HNRNPF: variants seen among roughly 807,000 people sequenced by gnomAD.
HNRNPF encodes heterogeneous nuclear ribonucleoprotein F.
A neutral mutation model predicts 26.0 loss-of-function variants in HNRNPF; 2 were observed. That is an observed-to-expected ratio of 0.08 (90% CI 0.03 to 0.24). The LOEUF (loss-of-function observed/expected upper bound fraction) is 0.24, where lower values mean the gene tolerates loss of function less well. HNRNPF is among the 10% of genes least tolerant of loss of function. HNRNPF has a pLI of 1.00. For missense variants in HNRNPF, 299 were observed against 539.2 expected, an observed-to-expected ratio of 0.55 and a Z score of 4.41; for synonymous variants, 234 against 211.5, an observed-to-expected ratio of 1.11 and a Z score of -0.92.
At chr10:43,389,427 T>G (rs1838158389) in intron 3 of HNRNPF, among the ~76,000 whole-genome samples, 1 of 152,110 alleles carries the variant, frequency 6.6e-6, no homozygotes, top group African/African-American at 2.4e-5. Context: ...TAAGTGTAAT[T>G]TAAGAAAAGG....
intron 1 of HNRNPF, among the ~76,000 whole-genome samples, chr10:43,401,010 A>T (rs1314358950): frequency 6.6e-6 from 1 of 152,028 alleles, no homozygotes; most frequent in Non-Finnish European, 1.5e-5. Context: ...TGAACCCGGG[A>T]GGCGGAACTT....
chr10:43,407,227 G>T (rs1257680219), intron 1 of HNRNPF, among the ~76,000 whole-genome samples: 2 of 150,870 alleles, frequency 1.3e-5, no homozygotes, highest in African/African-American at 4.8e-5. Flanking sequence ...GTTCCGGGAA[G>T]CCGCCGCCGC....
chr10:43,388,359 A>G (rs952402262), intron 3 of HNRNPF, among the ~76,000 whole-genome samples: 14 of 152,186 alleles, frequency 9.2e-5, no homozygotes, highest in African/African-American at 3.4e-4. Context: ...TTTTACTTTC[A>G]TGAGTAAAAA....
At chr10:43,391,125 C>T (rs1017956420) in intron 3 of HNRNPF, among the ~76,000 whole-genome samples, 1 of 151,960 alleles carries the variant, frequency 6.6e-6, no homozygotes, top group Non-Finnish European at 1.5e-5. Flanking sequence ...ACCTCTGTCT[C>T]GACTAAAAAT....
intron 1 of HNRNPF, among the ~76,000 whole-genome samples, chr10:43,407,448 C>A (rs1172746443): frequency 2.0e-5 from 3 of 152,074 alleles, no homozygotes; most frequent in African/African-American, 7.2e-5. Flanking sequence ...GTCCCAGGCG[C>A]CTAGGGGGAG....
chr10:43,401,146 T>A (rs1838743299), intron 1 of HNRNPF, among the ~76,000 whole-genome samples: 1 of 151,878 alleles, frequency 6.6e-6, no homozygotes, highest in Admixed American at 6.6e-5. Flanking sequence ...GTTTACTCCA[T>A]TATTACTACA....
At chr10:43,396,766 A>C (rs1838540968) in intron 1 of HNRNPF, 176 bp from the exon 2 acceptor site, 1 of 151,600 alleles carries the variant, frequency 6.6e-6, no homozygotes, top group Admixed American at 6.6e-5. Context: ...CCCGGCAGGA[A>C]GGTCGGCCCC....
At chr10:43,400,891 G>GTGGAGACCATCCTA (rs61678752) in intron 1 of HNRNPF, among the ~76,000 whole-genome samples, 1 of 151,828 alleles carries the variant, frequency 6.6e-6, no homozygotes, top group Non-Finnish European at 1.5e-5. Flanking sequence ...AGGTCAGGAG[G>GTGGAGACCATCCTA]GCTAATACGG....
At chr10:43,404,886 T>C (rs1428938287) in intron 1 of HNRNPF, among the ~76,000 whole-genome samples, 4 of 151,888 alleles carry the variant, frequency 2.6e-5, no homozygotes, top group Non-Finnish European at 5.9e-5. Flanking sequence ...TTACAGGAAA[T>C]ATAAAGAACA....
intron 1 of HNRNPF, among the ~76,000 whole-genome samples, chr10:43,407,363 G>C (rs1458088190): frequency 2.0e-5 from 3 of 152,114 alleles, no homozygotes; most frequent in African/African-American, 7.2e-5. Context: ...GCTCGTCCCC[G>C]GGCCGCCCGC....
Position 43,386,567 on chromosome 10 carries a change from A to G in HNRNPF, c.*70T>C, listed in dbSNP as rs1387190362. 10 of 1,431,476 alleles carry G rather than the reference A, an allele frequency of 7.0e-6. No homozygotes were observed. In the Admixed American group the frequency reaches 1.5e-4, roughly 21 times the overall value. 88.7% of individuals were successfully genotyped at this position (1,431,476 alleles called of 1,614,324 possible). ...AATGGGTCCCCCAGCTTCCTCTATT[A>G]TAACTGCTCTTAATTGCTTGTTGGC... On this transcript the variant is annotated 3_prime_UTR_variant, in exon 4 of 4. Coordinates refer to ENST00000682386, the MANE Select transcript of HNRNPF (RefSeq NM_001098204.2).
intron 1 of HNRNPF, among the ~76,000 whole-genome samples, chr10:43,407,201 G>A (rs771127651): frequency 2.8e-4 from 42 of 151,254 alleles, no homozygotes; most frequent in Non-Finnish European, 7.4e-5. Context: ...CCCCGGCGCA[G>A]GGCCCGCCCC....
intron 1 of HNRNPF, among the ~76,000 whole-genome samples, chr10:43,406,067 G>A (rs74135755): frequency 0.025 from 3,793 of 152,236 alleles, 156 homozygotes; most frequent in African/African-American, 0.087. Context: ...AAGCCCTTCT[G>A]GAGTAGTCCT....
At chr10:43,397,796 A>C (rs964646270) in intron 1 of HNRNPF, among the ~76,000 whole-genome samples, 1 of 152,182 alleles carries the variant, frequency 6.6e-6, no homozygotes, top group African/African-American at 2.4e-5. Flanking sequence ...CAGAATTGTA[A>C]ATTTTGTTGT....
chr10:43,390,397 G>C (rs1256147084), intron 3 of HNRNPF, among the ~76,000 whole-genome samples: 2 of 152,114 alleles, frequency 1.3e-5, no homozygotes, highest in African/African-American at 2.4e-5. Context: ...CTTAGGTCCA[G>C]CCATCGTTCC....
At chr10:43,397,770 G>C (rs866697216) in intron 1 of HNRNPF, among the ~76,000 whole-genome samples, 3 of 152,192 alleles carry the variant, frequency 2.0e-5, no homozygotes, top group Non-Finnish European at 4.4e-5. Flanking sequence ...AATATGATCA[G>C]TGACATTTTA....
At chr10:43,400,942 C>T (rs985868701) in intron 1 of HNRNPF, among the ~76,000 whole-genome samples, 17 of 152,180 alleles carry the variant, frequency 1.1e-4, no homozygotes, top group Admixed American at 7.8e-4. Context: ...ATTAGCCAAA[C>T]GTGGTGGCAG....
chr10:43,397,170 C>A (rs1197143228), intron 1 of HNRNPF: 1 of 152,132 alleles, frequency 6.6e-6, no homozygotes, highest in East Asian at 1.9e-4. Context: ...CCGGGGCGCC[C>A]GCGCGGCGGC....
Position 43,386,988 on chromosome 10 carries a change from T to C in HNRNPF, c.897A>G (p.Lys299=), listed in dbSNP as rs1324584773. The change falls in exon 4 of 4, where the codon AAA becomes AAG. Residue 299 remains lysine, a synonymous_variant. Coordinates refer to ENST00000682386, the MANE Select transcript of HNRNPF (RefSeq NM_001098204.2). ...HCVHMRGLPY[K]ATENDIYNFF... is the part of the protein sequence containing the mutation. ...AGTTGTAAATGTCGTTCTCGGTCGC[T>C]TTGTACGGCAGGCCCCTCATGTGGA... 2 of 1,614,054 alleles carry C rather than the reference T, an allele frequency of 1.2e-6. No homozygotes were observed. The highest frequency in any genetic ancestry group is 2.2e-5 in the South Asian group (2 of 91,068).
Sources: gnomAD v4.1 joint callset for allele counts (sites outside exome capture counted in the v4.1 genomes callset) on GRCh38, gnomAD v4.1.1 for gene constraint, MANE v1.5 for transcripts, NCBI Gene and HGNC (gene_info 2026-07-23, HGNC 2026-07-21) for gene names.